The following GDPD5 variants were observed in gnomAD, a reference collection of about 807,000 sequenced individuals.
GDPD5 encodes glycerophosphodiester phosphodiesterase 2.
Under a neutral mutation model 75.1 loss-of-function variants are expected in GDPD5, and 48 were observed. That is an observed-to-expected ratio of 0.64 (90% confidence interval 0.51 to 0.81). The LOEUF is 0.81. Ranked by LOEUF, GDPD5 falls within the 40% of genes least tolerant of loss-of-function variation. The probability of loss-of-function intolerance (pLI) is 0.00; values close to 1 mark genes in which losing one functional copy is unlikely to be tolerated. For synonymous variants in GDPD5, 336 were observed against 339.0 expected, an observed-to-expected ratio of 0.99 and a Z score of 0.10; for missense variants, 706 against 822.6, an observed-to-expected ratio of 0.86 and a Z score of 1.73.
At chr11:75,455,262 G>A (rs1949260108) in intron 6 of GDPD5, 2 of 454,550 alleles carry the variant, frequency 4.4e-6, no homozygotes, top group African/African-American at 4.0e-5. Flanking sequence ...GCCCCACCCG[G>A]GGTGCCAGCT....
Position 75,501,934 on chromosome 11 carries a change from A to G in GDPD5, c.-144-11614T>C, listed in dbSNP as rs1592145226. 2.0e-5 allele frequency among the ~76,000 whole-genome samples: 3 copies of G among 152,174 alleles called. No individual in the cohort carries two copies. The South Asian group carries it at 6.2e-4, about 32-fold the overall frequency. The stretch of plus-strand genomic sequence containing the variant: ...ATCACATTCAAAACTGATGTAAATG[A>G]CCCGCGCCAAACACCTGGGTGTGAG... On this transcript the variant is annotated intron_variant, in intron 1 of 16. Transcript: ENST00000336898.
At chr11:75,455,374 A>G (rs1403060619) in intron 6 of GDPD5, 4 of 456,582 alleles carry the variant, frequency 8.8e-6, no homozygotes, top group South Asian at 6.2e-5. Flanking sequence ...GAGTGAGGGC[A>G]GGAGGAAGGT....
intron 1 of GDPD5, among the ~76,000 whole-genome samples, chr11:75,522,106 G>T (rs1319477815): frequency 6.6e-6 from 1 of 151,500 alleles, no homozygotes; most frequent in Non-Finnish European, 1.5e-5. Context: ...GGCTTACCAC[G>T]CTATCCCACC....
chr11:75,463,313 C>A lies in GDPD5; in HGVS notation c.118-424G>T, dbSNP rs373232893. Among the ~76,000 whole-genome samples the A allele has an allele frequency of 1.1e-4, 16 of 152,350 alleles. No homozygotes were observed. In the East Asian group the frequency reaches 2.1e-3, roughly 20 times the overall value. ...CTACCCCGTGCTACCGAGAAAAACA[C>A]TGAGGCCCAGAGAGGCCAAGTGACT... On this transcript the variant is annotated intron_variant, in intron 3 of 16. Transcript: ENST00000336898.
At chr11:75,510,599 C>A (rs12362081) in intron 1 of GDPD5, among the ~76,000 whole-genome samples, 21,171 of 152,140 alleles carry the variant, frequency 0.14, 1,629 homozygotes, top group South Asian at 0.21. Flanking sequence ...CTCCTTTCAC[C>A]TCTGCTCCAG....
Position 75,453,445 on chromosome 11 carries a change from C to T in GDPD5, c.375+3312G>A, listed in dbSNP as rs573142950. ...CACCCTAGCTAACACGGTGAAACCT[C>T]GTCTCTACTAAAAATACAAAAAAAT... On this transcript the variant is annotated intron_variant, in intron 6 of 16. Transcript: ENST00000336898. Among the ~76,000 whole-genome samples the T allele has an allele frequency of 3.9e-5, 6 of 152,118 alleles. No homozygotes were observed. In the East Asian group the frequency reaches 7.7e-4, roughly 20 times the overall value.
At chr11:75,522,703 G>A (rs1220951957) in intron 1 of GDPD5, among the ~76,000 whole-genome samples, 1 of 152,032 alleles carries the variant, frequency 6.6e-6, no homozygotes, top group Non-Finnish European at 1.5e-5. Context: ...GCACAGACAG[G>A]AGCCCCCACC....
intron 1 of GDPD5, among the ~76,000 whole-genome samples, chr11:75,504,986 T>C (rs2135463836): frequency 6.6e-6 from 1 of 151,488 alleles, no homozygotes; most frequent in African/African-American, 2.4e-5. Flanking sequence ...ATTAGCCGGG[T>C]GTGCGCATGC....
At chr11:75,437,528 G>A (rs1948657670) in intron 15 of GDPD5, 1 of 158,956 alleles carries the variant, frequency 6.3e-6, no homozygotes, top group African/African-American at 2.4e-5. Flanking sequence ...AAGGAAAGCA[G>A]GGGGGTGGGG....
At chr11:75,495,541 G>A (rs1366169922) in intron 1 of GDPD5, among the ~76,000 whole-genome samples, 1 of 152,092 alleles carries the variant, frequency 6.6e-6, no homozygotes, top group Non-Finnish European at 1.5e-5. Context: ...TATACTCGGA[G>A]ATGTGCAATA....
intron 1 of GDPD5, among the ~76,000 whole-genome samples, chr11:75,495,846 G>A (rs1274788368): frequency 1.3e-5 from 2 of 152,178 alleles, no homozygotes; most frequent in African/African-American, 2.4e-5. Flanking sequence ...GTGGGGCCTA[G>A]ACCCCCTGTG....
intron 10 of GDPD5, among the ~76,000 whole-genome samples, chr11:75,443,497 G>A (rs969731923): frequency 1.3e-5 from 2 of 152,196 alleles, no homozygotes; most frequent in African/African-American, 4.8e-5. Flanking sequence ...CTCTGTGAGG[G>A]TCAGATGGGG....
intron 3 of GDPD5, among the ~76,000 whole-genome samples, chr11:75,467,901 A>C (rs776504833): frequency 1.1e-4 from 16 of 152,286 alleles, no homozygotes; most frequent in Admixed American, 4.6e-4. Context: ...GAGGATGGTC[A>C]TGTCTTCTCT....
chr11:75,469,351 C>T (rs1449445897), intron 3 of GDPD5, among the ~76,000 whole-genome samples: 1 of 152,224 alleles, frequency 6.6e-6, no homozygotes, highest in Non-Finnish European at 1.5e-5. Context: ...GAGCCCTTTA[C>T]TTGCTCCATC....
chr11:75,503,975 G>T (rs947706887), intron 1 of GDPD5, among the ~76,000 whole-genome samples: 3 of 152,230 alleles, frequency 2.0e-5, no homozygotes, highest in Non-Finnish European at 4.4e-5. Flanking sequence ...AGGGACTGGA[G>T]GGGGAAGGTC....
At chr11:75,485,775 A>C (rs1950010074) in intron 2 of GDPD5, 1 of 152,224 alleles carries the variant, frequency 6.6e-6, no homozygotes, top group Admixed American at 6.5e-5. Flanking sequence ...CAAGCTCAAC[A>C]TTTTGGTTGG....
At chr11:75,454,024 T>C (rs1258408343) in intron 6 of GDPD5, among the ~76,000 whole-genome samples, 1 of 152,130 alleles carries the variant, frequency 6.6e-6, no homozygotes, top group Non-Finnish European at 1.5e-5. Flanking sequence ...CAGATTCAAG[T>C]ATGTAAGAAT....
At chr11:75,457,611 G>A (rs1448200810) in intron 5 of GDPD5, 82 bp downstream of exon 5, 4 of 1,090,588 alleles carry the variant, frequency 3.7e-6, no homozygotes, top group East Asian at 4.8e-5. Context: ...ACCAGGGTGG[G>A]ACCCTCCATC....
Position 75,448,631 on chromosome 11 carries a change from T to C in GDPD5, c.714+346A>G, listed in dbSNP as rs915354797. On this transcript the variant is annotated intron_variant, in intron 9 of 16. Coordinates refer to ENST00000336898, the MANE Select transcript of GDPD5 (RefSeq NM_030792.8). ...GCTCTGAGCTGCCTCCCAGCTCTCC[T>C]GGAGGGTTCTCCTGATGCCTGGTGG... 7.6e-6 allele frequency: 8 copies of C among 1,054,516 alleles called. No homozygotes were observed. The African/African-American group carries it at 1.0e-4, about 13-fold the overall frequency. 65.3% of individuals were successfully genotyped at this position (1,054,516 alleles called of 1,614,324 possible).
Sources: allele counts gnomAD v4.1 joint callset (sites outside exome capture counted in the v4.1 genomes callset), GRCh38; gene constraint gnomAD v4.1.1; transcripts MANE v1.5; gene names NCBI Gene and HGNC (gene_info 2026-07-23, HGNC 2026-07-21).